Variants in EMG1 observed in about 807,000 individuals in gnomAD.
The protein encoded by EMG1 is ribosomal RNA small subunit methyltransferase NEP1.
In EMG1, 24 loss-of-function variants were observed where a neutral mutation model predicts 26.9. That is an observed-to-expected ratio of 0.89 (90% CI 0.65 to 1.26). The LOEUF (loss-of-function observed/expected upper bound fraction) is 1.26. EMG1 is among the 50% of genes most tolerant of loss of function. EMG1 has a pLI of 0.00. For synonymous variants in EMG1, 140 were observed against 112.6 expected (o/e 1.24, Z -1.54); for missense variants, 299 against 307.6 (o/e 0.97, Z 0.21).
At chr12:6,985,084 T>C (rs1261666588) in intron 6 of EMG1, among the ~76,000 whole-genome samples, 32 of 81,092 alleles carry the variant, frequency 3.9e-4, no homozygotes, top group African/African-American at 1.4e-3. Context: ...TTTTCCCCCA[T>C]ACATTAAAAA....
intron 3 of EMG1, 137 bp downstream of exon 3, chr12:6,974,830 T>C: frequency 2.0e-6 from 2 of 995,194 alleles, no homozygotes; most frequent in African/African-American, 3.2e-5. Context: ...ACAAGGACTG[T>C]TATTATTTTT....
intron 7 of EMG1, among the ~76,000 whole-genome samples, chr12:6,994,674 C>CG (rs200516927): frequency 0.04 from 6,079 of 152,232 alleles, 198 homozygotes; most frequent in Non-Finnish European, 0.065. Flanking sequence ...AGGCTGGTCT[C>CG]GAACTCCTGA....
At chr12:6,971,393 C>G (rs1239064598) in intron 1 of EMG1, among the ~76,000 whole-genome samples, 2 of 151,786 alleles carry the variant, frequency 1.3e-5, no homozygotes, top group Non-Finnish European at 2.9e-5. Context: ...CCTGACTCAG[C>G]CTCTGGAGTA....
intron 6 of EMG1, among the ~76,000 whole-genome samples, chr12:6,984,960 C>T (rs1946506811): frequency 1.3e-5 from 2 of 152,020 alleles, no homozygotes; most frequent in African/African-American, 4.8e-5. Flanking sequence ...TGTGAGTTTG[C>T]TTAACTCTAA....
rs782045785 is a variant in EMG1 at position 6,977,321 on chromosome 12, G to A, written c.*1512G>A. The A allele has an allele frequency of 6.2e-7, 1 of 1,612,876 alleles. No individual in the cohort carries two copies. The highest frequency in any genetic ancestry group is 2.2e-5 in the East Asian group (1 of 44,850). ...CTGGAGTGTCCTTTGCAACCTTTGAGGTTGCAGTGAGTCCCTCCCAGTCTC... is the reference window on the plus strand; with the variant it reads ...CTGGAGTGTCCTTTGCAACCTTTGAAGTTGCAGTGAGTCCCTCCCAGTCTC... On this transcript the variant is annotated 3_prime_UTR_variant, in exon 6 of 6. Transcript: ENST00000599672. This position sits in a 1 kb window ranked among gnomAD's most constrained non-coding sequence, Gnocchi z 4.5.
At chr12:6,986,581 G>A (rs1284398545) in intron 6 of EMG1, among the ~76,000 whole-genome samples, 1 of 151,770 alleles carries the variant, frequency 6.6e-6, no homozygotes, top group Non-Finnish European at 1.5e-5. Context: ...TCAGGAAATC[G>A]AGACCATCCT....
downstream of EMG1, chr12:6,983,657 T>C (rs1946494410): frequency 1.5e-6 from 1 of 669,718 alleles, no homozygotes. Context: ...AAAAACAACA[T>C]ACATTATATG....
At position 6,979,096 on chromosome 12, in the gene EMG1, C is replaced by A. The variant is rs985049880; in HGVS notation, c.*3287C>A. The A allele has an allele frequency of 1.0e-5, 3 of 299,070 alleles. No individual in the cohort carries two copies. Among genetic ancestry groups the A allele is most frequent in the East Asian group, 7.1e-5 (1 of 14,050 alleles). 18.5% of individuals were successfully genotyped at this position (299,070 alleles called of 1,614,324 possible). A position where few individuals can be genotyped will look rare whatever the true frequency, so the allele number is the denominator to read the frequency against. ...CAGGAGCAAAAGCCAGCACTTCCCC[C>A]CTTCCCTTGGTTTCTGAATTCCCTA... On this transcript the variant is annotated 3_prime_UTR_variant, in exon 6 of 6. Transcript: ENST00000599672.
downstream of EMG1, among the ~76,000 whole-genome samples, chr12:6,989,460 G>A (rs981795299): frequency 1.3e-5 from 2 of 151,906 alleles, no homozygotes; most frequent in East Asian, 3.9e-4. Context: ...ACAGGCGCCC[G>A]CCATCACGCC....
downstream of EMG1, chr12:6,982,598 T>A: frequency 9.2e-7 from 1 of 1,086,312 alleles, no homozygotes; most frequent in Non-Finnish European, 1.4e-6. Context: ...CTAATTTCTA[T>A]ACCACAGTCC....
Position 6,978,203 on chromosome 12 carries a change from C to A in EMG1, c.*2394C>A. Reference sequence around the variant, plus strand: ...TTGGGAGGGGGGTATAGGTGGGGGTCAAAGTCAGTGTGAGCGACAGGGGGT... The same window carrying A: ...TTGGGAGGGGGGTATAGGTGGGGGTAAAAGTCAGTGTGAGCGACAGGGGGT... On this transcript the variant is annotated 3_prime_UTR_variant, in exon 6 of 6. Transcript: ENST00000599672. 7 of 1,022,940 alleles carry A rather than the reference C, an allele frequency of 6.8e-6. No homozygotes were observed. The highest frequency in any genetic ancestry group is 9.9e-6 in the Non-Finnish European group (7 of 705,072). The allele number at this position is 1,022,940 out of a possible 1,614,324, so 63.4% of individuals were successfully genotyped here. A position where few individuals can be genotyped will look rare whatever the true frequency, so the allele number is the denominator to read the frequency against.
chr12:6,982,716 C>G, downstream of EMG1: 3 of 1,613,936 alleles, frequency 1.9e-6, no homozygotes, highest in Non-Finnish European at 2.5e-6. Flanking sequence ...AGTGATGGTG[C>G]GGCCCATTAG....
intron 1 of EMG1, among the ~76,000 whole-genome samples, chr12:6,973,352 G>C (rs1411133100): frequency 6.6e-6 from 1 of 151,820 alleles, no homozygotes; most frequent in Non-Finnish European, 1.5e-5. Flanking sequence ...ATTTTTAGTA[G>C]AGATGGGGTT....
exon 8 of EMG1, chr12:6,988,243 A>C (rs781816783): frequency 6.4e-6 from 1 of 157,056 alleles, no homozygotes; most frequent in African/African-American, 2.4e-5. Context: ...CATGAGAAGA[A>C]GGCGGAGGAA....
At chr12:6,972,896 A>T (rs896381344) in intron 1 of EMG1, among the ~76,000 whole-genome samples, 2 of 151,644 alleles carry the variant, frequency 1.3e-5, no homozygotes, top group Non-Finnish European at 2.9e-5. Context: ...AACAGAGTGC[A>T]GTGGTGTGAT....
At chr12:6,980,934 G>T, downstream of EMG1, 1 of 1,443,850 alleles carries the variant, frequency 6.9e-7, no homozygotes, top group Non-Finnish European at 9.3e-7. Flanking sequence ...GGAGAATGCA[G>T]CTTTCAGAAG....
chr12:6,983,035 G>A (rs1477411933), downstream of EMG1: 12 of 579,478 alleles, frequency 2.1e-5, no homozygotes, highest in African/African-American at 1.8e-5. Context: ...AGACTTGAGT[G>A]CAGTAGCTCA....
rs782175380 is a variant in EMG1, at chr12:6,970,966, G to T, written c.43G>T (p.Gly15Cys). ...SDGFKPRERS[G>C]GEQAQDWDAL... ...TGGATTCAAGCCTCGTGAACGAAGC[G>T]GTGGGGAGCAGGCACAGGACTGGGA... Residue 15 changes from glycine to cysteine, a missense_variant, in exon 1 of 6, where the codon GGT becomes TGT. Coordinates refer to ENST00000599672, the MANE Select transcript of EMG1 (RefSeq NM_006331.8). 6.2e-7 allele frequency: 1 copy of T among 1,613,020 alleles called. No individual in the cohort carries two copies. Among genetic ancestry groups the T allele is most frequent in the Admixed American group, 1.7e-5 (1 of 59,888 alleles).
chr12:6,974,974 T>C (rs1324115264), intron 3 of EMG1, 116 bp from the exon 4 acceptor site: 9 of 1,069,328 alleles, frequency 8.4e-6, no homozygotes, highest in Admixed American at 5.6e-5. Context: ...AGGAGTCCAG[T>C]CTAGATATAA....
Sources: gnomAD v4.1 joint callset for allele counts (sites outside exome capture counted in the v4.1 genomes callset) on GRCh38, gnomAD v4.1.1 for gene constraint, Gnocchi (gnomAD v3.1) non-coding constraint, MANE v1.5 for transcripts, NCBI Gene and HGNC (gene_info 2026-07-23, HGNC 2026-07-21) for gene names.